Variants in CHD9 observed in about 807,000 individuals in gnomAD.
CHD9 encodes the protein chromodomain helicase DNA binding protein 9, also known as ATP-dependent chromatin remodeler CHD9.
In CHD9, 77 loss-of-function variants were observed where a neutral mutation model predicts 316.1. That is an observed-to-expected ratio of 0.24 (90% CI 0.20 to 0.29). The LOEUF (loss-of-function observed/expected upper bound fraction) is 0.29. Ranked by LOEUF, CHD9 falls within the 10% of genes least tolerant of loss-of-function variation. The probability of loss-of-function intolerance (pLI) is 1.00; values close to 1 mark genes in which losing one functional copy is unlikely to be tolerated. For synonymous variants in CHD9, 1,129 were observed against 1,158.3 expected (o/e 0.97, Z 0.51); for missense variants, 2,763 against 3,438.1 (o/e 0.80, Z 4.91).
At chr16:53,182,136 G>C (rs2043578912) in intron 2 of CHD9, among the ~76,000 whole-genome samples, 1 of 152,138 alleles carries the variant, frequency 6.6e-6, no homozygotes, top group Non-Finnish European at 1.5e-5. Context: ...CAGTTTTCTG[G>C]TCATTATGTC....
Position 53,229,126 on chromosome 16 carries a change from T to A in CHD9, c.2286+26T>A, listed in dbSNP as rs781753999. The A allele has an allele frequency of 4.1e-6, 5 of 1,214,194 alleles. No individual in the cohort carries two copies. In the South Asian group the frequency reaches 7.0e-5, roughly 17 times the overall value. 75.2% of individuals were successfully genotyped at this position (1,214,194 alleles called of 1,614,324 possible). A position where few individuals can be genotyped will look rare whatever the true frequency, so the allele number is the denominator to read the frequency against. On this transcript the variant is annotated intron_variant, in intron 8 of 38. Coordinates refer to ENST00000447540, the MANE Select transcript of CHD9 (RefSeq NM_001308319.2). ...GTAAGAAAAAAATAAATAAGACTAT[T>A]ATGTGTTGGTCTCTGAATACATGTA...
At chr16:53,319,625 A>G (rs1335111535) in intron 37 of CHD9, among the ~76,000 whole-genome samples, 2 of 152,210 alleles carry the variant, frequency 1.3e-5, no homozygotes, top group Non-Finnish European at 2.9e-5. Context: ...AAAAATTCAC[A>G]TTACTAAATA....
Position 53,242,980 on chromosome 16 carries a change from T to C in CHD9, c.3018T>C (p.Asn1006=). 3.7e-6 allele frequency: 6 copies of C among 1,612,272 alleles called. No individual in the cohort carries two copies. Among genetic ancestry groups the C allele is most frequent in the Non-Finnish European group, 5.1e-6 (6 of 1,178,818 alleles). Residue 1006 remains asparagine, a synonymous_variant, in exon 13 of 39, where the codon AAT becomes AAC. Transcript: ENST00000447540. The stretch of plus-strand genomic sequence containing the variant: ...AAGCACATAGGTTAAAAAATAAAAA[T>C]TGTAAACTCTTAGAGGGCCTGAAAC... ...IDEAHRLKNK[N]CKLLEGLKLM... is the part of the protein sequence containing the mutation.
chr16:53,219,391 T>C (rs2047044621), intron 3 of CHD9, among the ~76,000 whole-genome samples: 1 of 152,128 alleles, frequency 6.6e-6, no homozygotes, highest in African/African-American at 2.4e-5. Context: ...ATTAAATCTC[T>C]CAGGGAGAGA....
intron 3 of CHD9, among the ~76,000 whole-genome samples, chr16:53,211,434 A>G (rs569629832): frequency 6.6e-6 from 1 of 152,300 alleles, no homozygotes; most frequent in African/African-American, 2.4e-5. Context: ...AATTATTCAT[A>G]GTAAATTATT....
chr16:53,139,588 A>G lies in CHD9; in HGVS notation c.-164-16338A>G, dbSNP rs8058123. On this transcript the variant is annotated intron_variant, in intron 1 of 38. Transcript: ENST00000447540. ...AATCTGAGGAGGTCTGGAGAAGCCT[A>G]TTGGTCATGGGAAAGTTTAAATGAC... 4.1e-3 allele frequency among the ~76,000 whole-genome samples: 617 copies of G among 152,262 alleles called. 4 individuals carry two copies. Among genetic ancestry groups the G allele is most frequent in the African/African-American group, 0.014 (583 of 41,546 alleles).
At chr16:53,081,022 C>T (rs1301302984) in intron 1 of CHD9, among the ~76,000 whole-genome samples, 1 of 152,216 alleles carries the variant, frequency 6.6e-6, no homozygotes, top group Non-Finnish European at 1.5e-5. Flanking sequence ...GGTCTGGTGT[C>T]TTATTCCTTG....
At chr16:53,153,484 A>C (rs1038465468) in intron 1 of CHD9, among the ~76,000 whole-genome samples, 5 of 152,114 alleles carry the variant, frequency 3.3e-5, no homozygotes, top group African/African-American at 1.2e-4. Context: ...TCCAACTTAA[A>C]TGTAAAACAG....
At chr16:53,234,613 GT>G (rs1199271044) in intron 10 of CHD9, among the ~76,000 whole-genome samples, 1 of 151,594 alleles carries the variant, frequency 6.6e-6, no homozygotes, top group Non-Finnish European at 1.5e-5. Flanking sequence ...TATGTTTTAT[GT>G]TTTTTTAAAT....
intron 38 of CHD9, among the ~76,000 whole-genome samples, chr16:53,323,174 G>GA (rs200547837): frequency 1.2e-4 from 18 of 151,496 alleles, no homozygotes; most frequent in African/African-American, 2.9e-4. Flanking sequence ...CACTTTGTTG[G>GA]AAAAAAAATG....
At chr16:53,082,196 A>G (rs2035080275) in intron 1 of CHD9, among the ~76,000 whole-genome samples, 2 of 148,016 alleles carry the variant, frequency 1.4e-5, no homozygotes, top group African/African-American at 5.0e-5. Flanking sequence ...AGGACAGGAG[A>G]ACATTTTATT....
At chr16:53,112,878 T>G (rs540377820) in intron 1 of CHD9, among the ~76,000 whole-genome samples, 5 of 152,138 alleles carry the variant, frequency 3.3e-5, no homozygotes, top group Non-Finnish European at 7.3e-5. Flanking sequence ...CTGGGTGTGG[T>G]GTCTCACGCC....
chr16:53,215,425 G>C (rs768734826), intron 3 of CHD9, among the ~76,000 whole-genome samples: 1 of 152,096 alleles, frequency 6.6e-6, no homozygotes, highest in African/African-American at 2.4e-5. Flanking sequence ...CATATTTAAG[G>C]ATTACAGTTT....
At chr16:53,073,149 C>T (rs2034248792) in intron 1 of CHD9, among the ~76,000 whole-genome samples, 1 of 152,192 alleles carries the variant, frequency 6.6e-6, no homozygotes, top group African/African-American at 2.4e-5. Context: ...TTTCGCCTCC[C>T]CGTAGCCCTG....
chr16:53,204,492 G>A (rs1479155869), intron 2 of CHD9, among the ~76,000 whole-genome samples: 1 of 152,130 alleles, frequency 6.6e-6, no homozygotes, highest in African/African-American at 2.4e-5. Flanking sequence ...AATTTTATTA[G>A]AGGCATGAAG....
At chr16:53,227,232 G>A (rs2047733805) in intron 5 of CHD9, 164 bp from the exon 6 acceptor site, 2 of 520,878 alleles carry the variant, frequency 3.8e-6, no homozygotes, top group Admixed American at 4.3e-5. Flanking sequence ...CAATGACAAT[G>A]ATATATTTTT....
chr16:53,082,318 G>A (rs900795260), intron 1 of CHD9, among the ~76,000 whole-genome samples: 7 of 151,706 alleles, frequency 4.6e-5, no homozygotes, highest in Admixed American at 3.3e-4. Flanking sequence ...GCTCACTGCA[G>A]CCTCAACCTT....
At chr16:53,225,006 C>T (rs929316541) in intron 4 of CHD9, among the ~76,000 whole-genome samples, 1 of 152,076 alleles carries the variant, frequency 6.6e-6, no homozygotes, top group Non-Finnish European at 1.5e-5. Context: ...ACATTCGACC[C>T]ATCCTACATG....
chr16:53,212,750 A>G (rs2046432457), intron 3 of CHD9, among the ~76,000 whole-genome samples: 1 of 152,176 alleles, frequency 6.6e-6, no homozygotes, highest in Non-Finnish European at 1.5e-5. Context: ...GCATTTGTTC[A>G]GATTCCAGTT....
Sources: gnomAD v4.1 joint callset for allele counts (sites outside exome capture counted in the v4.1 genomes callset) on GRCh38, gnomAD v4.1.1 for gene constraint, MANE v1.5 for transcripts, NCBI Gene and HGNC (gene_info 2026-07-23, HGNC 2026-07-21) for gene names.